Variants in ELOVL6 observed in about 807,000 individuals in gnomAD.
The protein encoded by ELOVL6 is very long chain fatty acid elongase 6.
Under a neutral mutation model 31.7 loss-of-function variants are expected in ELOVL6, and 8 were observed. The ratio of observed to expected loss-of-function variants is 0.25; its 90% confidence interval spans 0.15 to 0.45. The LOEUF is 0.45. Ranked by LOEUF, ELOVL6 falls within the 20% of genes least tolerant of loss-of-function variation. The pLI, the probability that ELOVL6 is intolerant of heterozygous loss-of-function variation, is 1.00. For missense variants in ELOVL6, 126 were observed against 326.4 expected, an observed-to-expected ratio of 0.39 and a Z score of 4.73; for synonymous variants, 101 against 117.7, an observed-to-expected ratio of 0.86 and a Z score of 0.92.
chr4:110,176,946 ACT>A (rs1759126013), intron 1 of ELOVL6, among the ~76,000 whole-genome samples: 1 of 152,130 alleles, frequency 6.6e-6, no homozygotes, highest in African/African-American at 2.4e-5. Flanking sequence ...TGTTGGTCAG[ACT>A]GGTCTCGAAC....
At chr4:110,197,074 G>A (rs1759825776) in intron 1 of ELOVL6, among the ~76,000 whole-genome samples, 1 of 152,228 alleles carries the variant, frequency 6.6e-6, no homozygotes, top group Admixed American at 6.5e-5. Context: ...CAGGCGGGAG[G>A]GCGCGGGGCA....
At chr4:110,104,090 T>G (rs1756822757) in intron 2 of ELOVL6, among the ~76,000 whole-genome samples, 1 of 151,958 alleles carries the variant, frequency 6.6e-6, no homozygotes, top group Non-Finnish European at 1.5e-5. Context: ...TGCAGGGGAG[T>G]CATTGTACTT....
At chr4:110,086,793 C>T (rs944955029) in intron 2 of ELOVL6, among the ~76,000 whole-genome samples, 2 of 152,060 alleles carry the variant, frequency 1.3e-5, no homozygotes, top group Admixed American at 6.6e-5. Context: ...TTTTAAAACA[C>T]AACATTAGAT....
At chr4:110,075,855 A>G (rs111521818) in intron 2 of ELOVL6, among the ~76,000 whole-genome samples, 183 of 152,358 alleles carry the variant, frequency 1.2e-3, no homozygotes, top group African/African-American at 4.2e-3. Flanking sequence ...AATCACTTCC[A>G]TATACCAATT....
At chr4:110,104,018 G>A (rs1056024883) in intron 2 of ELOVL6, among the ~76,000 whole-genome samples, 2 of 152,162 alleles carry the variant, frequency 1.3e-5, no homozygotes, top group Non-Finnish European at 2.9e-5. Context: ...GAAACAAGGT[G>A]AGCAAGATTA....
chr4:110,161,814 TTA>T (rs1483676079), intron 1 of ELOVL6, among the ~76,000 whole-genome samples: 2 of 152,114 alleles, frequency 1.3e-5, no homozygotes, highest in Non-Finnish European at 2.9e-5. Flanking sequence ...CAAAACTAGG[TTA>T]TGTGTTGATC....
intron 1 of ELOVL6, among the ~76,000 whole-genome samples, chr4:110,155,195 A>T (rs1206415339): frequency 6.6e-6 from 1 of 152,162 alleles, no homozygotes; most frequent in African/African-American, 2.4e-5. Context: ...GACCACACTC[A>T]CATAGACCAA....
At chr4:110,074,584 G>A (rs1267287005) in intron 2 of ELOVL6, among the ~76,000 whole-genome samples, 2 of 152,152 alleles carry the variant, frequency 1.3e-5, no homozygotes, top group African/African-American at 4.8e-5. Context: ...AGTAAACTCT[G>A]ATAGGAATCA....
At chr4:110,084,553 C>CAGATATATATTTATATAT (rs1560815725) in intron 2 of ELOVL6, among the ~76,000 whole-genome samples, 1 of 57,936 alleles carries the variant, frequency 1.7e-5, no homozygotes, top group Non-Finnish European at 2.9e-5. Context: ...CACACACACA[C>CAGATATATATTTATATAT]ACACACACAG....
chr4:110,131,326 T>C (rs916689731), intron 1 of ELOVL6, among the ~76,000 whole-genome samples: 1 of 152,176 alleles, frequency 6.6e-6, no homozygotes, highest in African/African-American at 2.4e-5. Context: ...TCTGTTTATA[T>C]TGATCAAAAT....
At chr4:110,147,261 AT>A in intron 1 of ELOVL6, 1 of 158,044 alleles carries the variant, frequency 6.3e-6, no homozygotes, top group Non-Finnish European at 1.3e-5. Flanking sequence ...CAGCAAAAAA[AT>A]AAATGCAATT....
At chr4:110,166,958 T>C (rs1758796941) in intron 1 of ELOVL6, among the ~76,000 whole-genome samples, 1 of 152,252 alleles carries the variant, frequency 6.6e-6, no homozygotes, top group Admixed American at 6.5e-5. Context: ...AAACAGACTG[T>C]GATCCAAATA....
intron 1 of ELOVL6, among the ~76,000 whole-genome samples, chr4:110,190,981 G>A (rs968390108): frequency 5.9e-5 from 9 of 151,714 alleles, no homozygotes; most frequent in Non-Finnish European, 1.3e-4. Flanking sequence ...ACCATGACCA[G>A]CTAATTTTTG....
intron 1 of ELOVL6, among the ~76,000 whole-genome samples, chr4:110,183,250 T>C (rs775466007): frequency 3.9e-5 from 6 of 152,226 alleles, no homozygotes; most frequent in Admixed American, 2.0e-4. Context: ...GACACTCTTT[T>C]CTACTGATTC....
intron 2 of ELOVL6, among the ~76,000 whole-genome samples, chr4:110,104,580 T>A (rs1409410051): frequency 6.6e-6 from 1 of 152,164 alleles, no homozygotes. Context: ...AGTTAATATA[T>A]GAAAAAATAC....
intron 1 of ELOVL6, among the ~76,000 whole-genome samples, chr4:110,144,758 C>T (rs1758061290): frequency 6.6e-6 from 1 of 152,158 alleles, no homozygotes; most frequent in South Asian, 2.1e-4. Context: ...ACAGACTCTC[C>T]TTGCTTTGAA....
intron 1 of ELOVL6, chr4:110,117,903 A>AAAAAAAAAAATTATAT: frequency 1.5e-4 from 1 of 6,506 alleles, no homozygotes; most frequent in African/African-American, 3.3e-4. Flanking sequence ...AAAAAAAAAA[A>AAAAAAAAAAATTATAT]ATATATATAT....
chr4:110,197,624 C>G (rs1025354059), intron 1 of ELOVL6, among the ~76,000 whole-genome samples: 6 of 152,146 alleles, frequency 3.9e-5, no homozygotes, highest in African/African-American at 1.4e-4. Context: ...CACCCGGTCT[C>G]TCTATGAAAC....
At chr4:110,101,038 TTTTG>T (rs1209903033) in intron 2 of ELOVL6, among the ~76,000 whole-genome samples, 4 of 152,300 alleles carry the variant, frequency 2.6e-5, no homozygotes, top group South Asian at 2.1e-4. Flanking sequence ...AAAAGCAGTT[TTTTG>T]TTTGTTTGTT....
Sources: allele counts gnomAD v4.1 joint callset (sites outside exome capture counted in the v4.1 genomes callset), GRCh38; gene constraint gnomAD v4.1.1; transcripts MANE v1.5; gene names NCBI Gene and HGNC (gene_info 2026-07-23, HGNC 2026-07-21).